SLC22A25: variants seen among roughly 807,000 people sequenced by gnomAD.
SLC22A25 encodes solute carrier family 22 member 25, also known as MGI:2442751, MGI:2385316, MGI:3042283, MGI:3645714, MGI:3605624, MGI:2442750.
A neutral mutation model predicts 45.9 loss-of-function variants in SLC22A25; 44 were observed. The ratio of observed to expected loss-of-function variants is 0.96; its 90% CI spans 0.75 to 1.23. The LOEUF (loss-of-function observed/expected upper bound fraction) is 1.23. Among genes scored for constraint, SLC22A25 ranks in the 50% most tolerant of loss-of-function variants. The probability of loss-of-function intolerance (pLI) is 0.00; values close to 1 mark genes in which losing one functional copy is unlikely to be tolerated. For missense variants in SLC22A25, 800 were observed against 666.4 expected (o/e 1.20, Z -2.21); for synonymous variants, 283 against 238.6 (o/e 1.19, Z -1.72).
chr11:63,209,560 C>T (rs796254388), intron 7 of SLC22A25, among the ~76,000 whole-genome samples: 1 of 152,156 alleles, frequency 6.6e-6, no homozygotes, highest in South Asian at 2.1e-4. Flanking sequence ...GGCGAGGCAG[C>T]TGGGCACCTC....
rs1238418066 is a variant in SLC22A25, at chr11:63,174,003, C to T, written c.1070+6657G>A. Among the ~76,000 whole-genome samples, 5 of 150,550 alleles carry T rather than the reference C, an allele frequency of 3.3e-5. No individual in the cohort carries two copies. In the Admixed American group the frequency reaches 3.3e-4, roughly 10 times the overall value. The stretch of plus-strand genomic sequence containing the variant: ...TGCCATGGTGGTTTGCTGCACCCAT[C>T]AACTCATCACCTACATTAGGTATTT... On this transcript the variant is annotated intron_variant, in intron 9 of 11. Transcript: ENST00000306494.
intron 10 of SLC22A25, among the ~76,000 whole-genome samples, chr11:63,165,220 G>A (rs2087638320): frequency 6.6e-6 from 1 of 152,172 alleles, no homozygotes; most frequent in South Asian, 2.1e-4. Flanking sequence ...AAGTTTCAGA[G>A]GCAGGATTCT....
intron 3 of SLC22A25, among the ~76,000 whole-genome samples, chr11:63,230,842 T>C (rs1332362834): frequency 5.3e-5 from 8 of 151,964 alleles, no homozygotes; most frequent in Non-Finnish European, 1.2e-4. Context: ...GATGTTCCCC[T>C]TCCTGTGTCC....
Position 63,217,319 on chromosome 11 carries a change from G to T in SLC22A25, c.825C>A (p.Phe275Leu). 1 of 1,613,394 alleles carries T rather than the reference G, an allele frequency of 6.2e-7. No individual in the cohort carries two copies. Among genetic ancestry groups the T allele is most frequent in the Non-Finnish European group, 8.5e-7 (1 of 1,179,834 alleles). ...GAAGAATGCAAGCTCAATACCTTGA[G>T]AACAGAAAGAAGACAAAGCATGGTG... is the stretch of plus-strand genomic sequence containing the variant. ...MSAPCFVFFLFSRWLAESARW... is the reference protein window; with the variant it reads ...MSAPCFVFFLLSRWLAESARW... The change falls in exon 7 of 12, where the codon TTC becomes TTA. Residue 275 changes from phenylalanine to leucine, a missense_variant. Transcript: ENST00000306494.
intron 9 of SLC22A25, among the ~76,000 whole-genome samples, chr11:63,177,654 T>A (rs1260495306): frequency 6.6e-6 from 1 of 151,544 alleles, no homozygotes; most frequent in Non-Finnish European, 1.5e-5. Flanking sequence ...GAACATGCAA[T>A]ATTTGTCTTT....
chr11:63,227,119 C>T (rs992339981), intron 5 of SLC22A25, among the ~76,000 whole-genome samples: 16 of 152,072 alleles, frequency 1.1e-4, no homozygotes, highest in African/African-American at 3.9e-4. Context: ...CAAAGGCCTA[C>T]TTGGTGGTCT....
rs752182184 is a variant in SLC22A25 at position 63,228,580 on chromosome 11, A to AC, written c.403-17dup. ...CCAGATCCCACTGGAAGAAAAGGAA[A>AC]CCCTCATATCAATGCTTATAGCCCC... is the stretch of plus-strand genomic sequence containing the variant. On this transcript the variant is annotated splice_polypyrimidine_tract_variant and intron_variant, in intron 4 of 11. Transcript: ENST00000306494. 162 of 1,586,702 alleles carry AC rather than the reference A, an allele frequency of 1.0e-4. No homozygotes were observed. The highest frequency in any genetic ancestry group is 1.3e-4 in the Non-Finnish European group (154 of 1,156,348).
intron 9 of SLC22A25, among the ~76,000 whole-genome samples, chr11:63,176,074 C>T (rs1565068971): frequency 6.6e-6 from 1 of 151,970 alleles, no homozygotes; most frequent in Non-Finnish European, 1.5e-5. Flanking sequence ...TTCCATTGGT[C>T]TAAATGTCCA....
At chr11:63,203,056 G>A (rs1270539221) in intron 7 of SLC22A25, among the ~76,000 whole-genome samples, 2 of 152,126 alleles carry the variant, frequency 1.3e-5, no homozygotes, top group Admixed American at 6.5e-5. Flanking sequence ...TCAGACCTGC[G>A]GCAGAGGGGC....
chr11:63,231,422 T>C (rs965352073), intron 3 of SLC22A25, among the ~76,000 whole-genome samples: 3 of 152,260 alleles, frequency 2.0e-5, no homozygotes, highest in Non-Finnish European at 4.4e-5. Flanking sequence ...CATTTTTTCA[T>C]GTGTCTTTTG....
chr11:63,182,075 C>CT (rs2088346962), intron 8 of SLC22A25, among the ~76,000 whole-genome samples: 1 of 152,082 alleles, frequency 6.6e-6, no homozygotes, highest in Admixed American at 6.6e-5. Flanking sequence ...GTTAAGCAGT[C>CT]TGTCAGATGG....
chr11:63,241,481 T>C (rs1406835773), intron 1 of SLC22A25, among the ~76,000 whole-genome samples: 1 of 152,180 alleles, frequency 6.6e-6, no homozygotes, highest in Non-Finnish European at 1.5e-5. Flanking sequence ...CAGACCTCTT[T>C]CCTTCCTATT....
chr11:63,206,699 AT>A (rs2089414089), intron 7 of SLC22A25, among the ~76,000 whole-genome samples: 2 of 152,218 alleles, frequency 1.3e-5, no homozygotes, highest in Non-Finnish European at 2.9e-5. Context: ...AAAAATGGCC[AT>A]ACTGCCCAAA....
Position 63,163,782 on chromosome 11 carries a change from G to A in SLC22A25, c.*42C>T, listed in dbSNP as rs7937856. The A allele has an allele frequency of 6.6e-3, 10,302 of 1,564,020 alleles. 599 individuals are homozygous for A. The African/African-American group carries it at 0.12, about 19-fold the overall frequency. On this transcript the variant is annotated 3_prime_UTR_variant, in exon 12 of 12. Coordinates refer to ENST00000306494, the MANE Select transcript of SLC22A25 (RefSeq NM_199352.6). ...AGCCCAGATCTAAGCCTTTTTGGGG[G>A]ATGGTAGCCCTAAATGGTGTTTTGC...
chr11:63,203,997 CAAT>C (rs936770623), intron 7 of SLC22A25, among the ~76,000 whole-genome samples: 1 of 152,070 alleles, frequency 6.6e-6, no homozygotes, highest in Non-Finnish European at 1.5e-5. Context: ...GAGTGGGAGC[CAAT>C]AATCAACACT....
chr11:63,219,788 C>G (rs1454472630), intron 5 of SLC22A25: 3 of 548,070 alleles, frequency 5.5e-6, no homozygotes, highest in Non-Finnish European at 9.1e-6. Context: ...ACCCTATGAT[C>G]CATTAAAATT....
chr11:63,230,283 G>A (rs1273627494), intron 3 of SLC22A25, among the ~76,000 whole-genome samples, 187 bp from the exon 4 acceptor site: 1 of 152,204 alleles, frequency 6.6e-6, no homozygotes, highest in Non-Finnish European at 1.5e-5. Context: ...TACTTCAAAT[G>A]TGGGGAGAGT....
chr11:63,169,753 C>A (rs1460875412), intron 9 of SLC22A25, among the ~76,000 whole-genome samples: 2 of 151,846 alleles, frequency 1.3e-5, no homozygotes, highest in Non-Finnish European at 2.9e-5. Context: ...ATTAGATCAA[C>A]TAGACAGAAA....
intron 3 of SLC22A25, among the ~76,000 whole-genome samples, chr11:63,236,159 C>G (rs990594051): frequency 2.6e-5 from 4 of 152,214 alleles, no homozygotes; most frequent in African/African-American, 9.7e-5. Context: ...AACCACTACT[C>G]TCTTCAAAGC....
Sources: gnomAD v4.1 joint callset for allele counts (sites outside exome capture counted in the v4.1 genomes callset) on GRCh38, gnomAD v4.1.1 for gene constraint, MANE v1.5 for transcripts, NCBI Gene and HGNC (gene_info 2026-07-23, HGNC 2026-07-21) for gene names.